NPM1: variants seen among roughly 807,000 people sequenced by gnomAD.
NPM1 encodes nucleophosmin.
A neutral mutation model predicts 44.1 loss-of-function variants in NPM1; 1 was observed. The observed-to-expected ratio is 0.02, with a 90% CI of 0.01 to 0.11. NPM1 has a LOEUF of 0.11. Ranked by LOEUF, NPM1 falls within the 10% of genes least tolerant of loss-of-function variation. NPM1 has a pLI of 1.00. For synonymous variants in NPM1, 126 were observed against 111.8 expected (o/e 1.13, Z -0.80); for missense variants, 197 against 347.8 (o/e 0.57, Z 3.45).
chr5:171,394,119 A>G (rs1459712057), intron 6 of NPM1, among the ~76,000 whole-genome samples: 1 of 136,652 alleles, frequency 7.3e-6, no homozygotes, highest in African/African-American at 2.8e-5. Context: ...TCGGCTCACC[A>G]CAACCTCTGC....
chr5:171,400,072 T>A, intron 6 of NPM1, 81 bp from the exon 7 acceptor site: 2 of 821,092 alleles, frequency 2.4e-6, no homozygotes. Context: ...GCACAAATAA[T>A]CACTTCAAGG....
chr5:171,403,737 T>C (rs1771387481), intron 8 of NPM1, among the ~76,000 whole-genome samples: 1 of 136,964 alleles, frequency 7.3e-6, no homozygotes, highest in African/African-American at 2.7e-5. Context: ...GGCGGGGGGC[T>C]GACCCCCCCA....
chr5:171,401,655 T>C (rs1771209862), intron 8 of NPM1, among the ~76,000 whole-genome samples: 1 of 152,228 alleles, frequency 6.6e-6, no homozygotes, highest in Non-Finnish European at 1.5e-5. Flanking sequence ...TTGGCCAGGC[T>C]GGTCTCAAAC....
At chr5:171,403,709 G>T (rs1429756409) in intron 8 of NPM1, among the ~76,000 whole-genome samples, 1 of 138,706 alleles carries the variant, frequency 7.2e-6, no homozygotes, top group Non-Finnish European at 1.6e-5. Context: ...CCTCCCTCCC[G>T]GACAGGGCGG....
intron 10 of NPM1, among the ~76,000 whole-genome samples, chr5:171,410,042 C>T (rs895629637): frequency 2.0e-5 from 3 of 152,120 alleles, no homozygotes; most frequent in Non-Finnish European, 2.9e-5. Flanking sequence ...GTGATCTGCC[C>T]GCCTCAGTCT....
chr5:171,394,532 G>C (rs1770773762), intron 6 of NPM1, among the ~76,000 whole-genome samples: 1 of 152,086 alleles, frequency 6.6e-6, no homozygotes, highest in African/African-American at 2.4e-5. Flanking sequence ...GAATCTCTGG[G>C]CACAAGCTAT....
rs778077508 is a variant in NPM1, at chr5:171,387,960, G to GATGGAC, written c.22_27dup (p.Asp8_Met9dup). The GATGGAC allele has an allele frequency of 6.2e-7, 1 of 1,611,888 alleles. No homozygotes were observed. Among genetic ancestry groups the GATGGAC allele is most frequent in the Admixed American group, 1.7e-5 (1 of 60,000 alleles). On this transcript the variant is annotated inframe_insertion, in exon 1 of 11. Coordinates refer to ENST00000296930, the MANE Select transcript of NPM1 (RefSeq NM_002520.7). ...CGTGCCGCCACCCGATGGAAGATTCGATGGACATGGACATGAGCCCCCTGA... is the reference window on the plus strand; with the variant it reads ...CGTGCCGCCACCCGATGGAAGATTCGATGGACATGGACATGGACATGAGCCCCCTGA...
intron 9 of NPM1, chr5:171,407,448 T>C (rs760526294): frequency 1.0e-5 from 5 of 478,530 alleles, no homozygotes; most frequent in East Asian, 3.7e-5. Flanking sequence ...GTGTAGCTTA[T>C]ATTTTATGTT....
At chr5:171,391,875 A>C (rs776839632) in intron 4 of NPM1, 76 bp downstream of exon 4, 67 of 822,698 alleles carry the variant, frequency 8.1e-5, no homozygotes, top group Non-Finnish European at 1.3e-4. Flanking sequence ...TTTGGACTTA[A>C]AGCATGGGTA....
In NPM1 at chr5:171,403,293, G is replaced by A. The variant is rs1455883517; in HGVS notation, c.670-2009G>A. Reference sequence around the variant, plus strand: ...ATCCATTTAACCCTGAGTGGACACAGCACATGTTTCAGAGAGCACAGGGTT... The same window carrying A: ...ATCCATTTAACCCTGAGTGGACACAACACATGTTTCAGAGAGCACAGGGTT... On this transcript the variant is annotated intron_variant, in intron 8 of 10. Transcript: ENST00000296930. Among the ~76,000 whole-genome samples, 98 of 86,978 alleles carry A rather than the reference G, an allele frequency of 1.1e-3. 4 individuals are homozygous for A. The highest frequency in any genetic ancestry group is 3.9e-3 in the African/African-American group (90 of 22,950). The allele number at this position is 86,978 out of a possible 152,430, so 57.1% of individuals were successfully genotyped here. A position where few individuals can be genotyped will look rare whatever the true frequency, so the allele number is the denominator to read the frequency against.
chr5:171,400,780 CTTTG>C (rs2113234346), intron 7 of NPM1, 55 bp from the exon 8 acceptor site: 3 of 1,146,822 alleles, frequency 2.6e-6, no homozygotes, highest in Non-Finnish European at 4.0e-6. Context: ...GCTTGGACAG[CTTTG>C]TTTGCACTGT....
rs1338985613 is a variant in NPM1 at position 171,404,794 on chromosome 5, G to A, written c.670-508G>A. On this transcript the variant is annotated intron_variant, in intron 8 of 10. Transcript: ENST00000296930. Reference sequence around the variant, plus strand: ...GGAGGCCAAGGCAGGCGGCTGGGAGGTGTAGGTTGTAGTGAGCCGAGATCA... The same window carrying A: ...GGAGGCCAAGGCAGGCGGCTGGGAGATGTAGGTTGTAGTGAGCCGAGATCA... Among the ~76,000 whole-genome samples, 9 of 151,272 alleles carry A rather than the reference G, an allele frequency of 5.9e-5. No individual in the cohort carries two copies. In the South Asian group the frequency reaches 1.7e-3, roughly 29 times the overall value.
intron 1 of NPM1, among the ~76,000 whole-genome samples, chr5:171,389,791 T>C (rs1770477535): frequency 6.6e-6 from 1 of 152,210 alleles, no homozygotes; most frequent in South Asian, 2.1e-4. Flanking sequence ...ATTGAGCTTG[T>C]TTATGCAGAA....
upstream of NPM1, chr5:171,387,673 C>A (rs761434394): frequency 1.0e-4 from 48 of 476,518 alleles, no homozygotes; most frequent in Middle Eastern, 1.1e-3. Context: ...TGGGAGCCCG[C>A]GGAGTACCTG....
intron 9 of NPM1, 80 bp downstream of exon 9, chr5:171,405,483 TTG>T: frequency 1.4e-6 from 1 of 703,772 alleles, no homozygotes. Context: ...TGAATGTTTC[TTG>T]TTTTTTTGTT....
intron 6 of NPM1, among the ~76,000 whole-genome samples, chr5:171,394,447 T>TA (rs1473096644): frequency 6.6e-6 from 1 of 152,114 alleles, no homozygotes; most frequent in African/African-American, 2.4e-5. Context: ...GTGCTGGGAT[T>TA]ACAGGCATGA....
rs113805090 is a variant in NPM1 at position 171,402,814 on chromosome 5, A to T, written c.669+1889A>T. ...TCTCTCTCTTCTGCTGCCATGTAAG[A>T]TGTGCCTTGCTTCCCCTTTGCCTTC... On this transcript the variant is annotated intron_variant, in intron 8 of 10. Coordinates refer to ENST00000296930, the MANE Select transcript of NPM1 (RefSeq NM_002520.7). 2.4e-3 allele frequency among the ~76,000 whole-genome samples: 354 copies of T among 144,944 alleles called. 4 individuals carry two copies. Among genetic ancestry groups the T allele is most frequent in the African/African-American group, 8.9e-3 (350 of 39,264 alleles).
At chr5:171,408,542 A>G (rs1035657905) in intron 10 of NPM1, among the ~76,000 whole-genome samples, 2 of 151,944 alleles carry the variant, frequency 1.3e-5, no homozygotes, top group African/African-American at 2.4e-5. Flanking sequence ...TTGCACTTCA[A>G]TTTTTAGTTT....
chr5:171,408,727 T>A (rs1350252967), intron 10 of NPM1, among the ~76,000 whole-genome samples: 4 of 152,210 alleles, frequency 2.6e-5, no homozygotes, highest in Non-Finnish European at 5.9e-5. Context: ...ATACTAAACA[T>A]TGATTAATCA....
Sources: allele counts gnomAD v4.1 joint callset (sites outside exome capture counted in the v4.1 genomes callset), GRCh38; gene constraint gnomAD v4.1.1; transcripts MANE v1.5; gene names NCBI Gene and HGNC (gene_info 2026-07-23, HGNC 2026-07-21).